Variants in MAD1L1 observed in about 807,000 individuals in gnomAD.
MAD1L1 encodes mitotic arrest deficient 1 like 1.
A neutral mutation model predicts 96.9 loss-of-function variants in MAD1L1; 95 were observed. The ratio of observed to expected loss-of-function variants is 0.98; its 90% CI spans 0.83 to 1.16. The LOEUF is 1.16. Ranked by LOEUF, MAD1L1 falls within the 50% of genes most tolerant of loss-of-function variation. MAD1L1 has a pLI of 0.00. For synonymous variants in MAD1L1, 473 were observed against 396.6 expected (o/e 1.19, Z -2.29); for missense variants, 1,007 against 954.4 (o/e 1.06, Z -0.73).
At chr7:2,025,356 C>T (rs1284328868) in intron 12 of MAD1L1, among the ~76,000 whole-genome samples, 1 of 152,116 alleles carries the variant, frequency 6.6e-6, no homozygotes, top group South Asian at 2.1e-4. Flanking sequence ...CCGAGCAGAA[C>T]CAATGGGAGT....
intron 18 of MAD1L1, among the ~76,000 whole-genome samples, chr7:1,850,294 G>A (rs193086185): frequency 1.6e-4 from 25 of 152,266 alleles, no homozygotes; most frequent in East Asian, 5.8e-4. Flanking sequence ...AGCTCCCATC[G>A]CTAGACATCC....
At chr7:1,912,325 G>A (rs750942781) in intron 17 of MAD1L1, among the ~76,000 whole-genome samples, 3 of 152,224 alleles carry the variant, frequency 2.0e-5, no homozygotes, top group Non-Finnish European at 4.4e-5. Flanking sequence ...CTATCCTTTT[G>A]GGGAACATGA....
chr7:1,858,296 G>A (rs1002064621), intron 18 of MAD1L1, among the ~76,000 whole-genome samples: 2 of 152,226 alleles, frequency 1.3e-5, no homozygotes, highest in Admixed American at 6.5e-5. Context: ...GGGCTGGCCA[G>A]TTGCACCCCA....
intron 18 of MAD1L1, among the ~76,000 whole-genome samples, chr7:1,864,770 T>A (rs1257669587): frequency 6.6e-6 from 1 of 152,108 alleles, no homozygotes; most frequent in African/African-American, 2.4e-5. Flanking sequence ...GGGTTCCCAC[T>A]GTTGGGAGAG....
chr7:1,950,063 C>G (rs976932572), intron 16 of MAD1L1, among the ~76,000 whole-genome samples: 1 of 148,768 alleles, frequency 6.7e-6, no homozygotes, highest in African/African-American at 2.5e-5. Flanking sequence ...CTTGAGGGGA[C>G]AGCAGAGACT....
chr7:1,851,749 G>A (rs12672508), intron 18 of MAD1L1, among the ~76,000 whole-genome samples: 14,445 of 152,186 alleles, frequency 0.095, 1,103 homozygotes, highest in African/African-American at 0.21. Flanking sequence ...GGCACTTACA[G>A]TGTCGCGAAA....
At chr7:2,045,848 G>A (rs911092357) in intron 12 of MAD1L1, among the ~76,000 whole-genome samples, 5 of 152,182 alleles carry the variant, frequency 3.3e-5, no homozygotes, top group Non-Finnish European at 7.3e-5. Flanking sequence ...CGGAGCACAT[G>A]GTGAGCCCCA....
rs1450404703 is a variant in MAD1L1 at position 1,899,397 on chromosome 7, C to T, written c.1808-1007G>A. Among the ~76,000 whole-genome samples, 4 of 152,094 alleles carry T rather than the reference C, an allele frequency of 2.6e-5. No individual in the cohort carries two copies. The East Asian group carries it at 7.7e-4, about 29-fold the overall frequency. ...GGCCTGGGACTGCTCCAGGCGGGGA[C>T]GGGAGCCTGCTGGACCCTATCCTGC... On this transcript the variant is annotated intron_variant, in intron 17 of 18. Coordinates refer to ENST00000265854, the MANE Select transcript of MAD1L1 (RefSeq NM_001013836.2).
At chr7:2,071,949 C>T (rs904506469) in intron 11 of MAD1L1, among the ~76,000 whole-genome samples, 4 of 152,350 alleles carry the variant, frequency 2.6e-5, no homozygotes, top group South Asian at 2.1e-4. Flanking sequence ...ACATCTCGCC[C>T]TGCGCATCCA....
chr7:1,852,156 A>G (rs534818395), intron 18 of MAD1L1, among the ~76,000 whole-genome samples: 1 of 152,172 alleles, frequency 6.6e-6, no homozygotes, highest in Non-Finnish European at 1.5e-5. Flanking sequence ...CCCAGGGAAG[A>G]AAGTGCTTCC....
intron 10 of MAD1L1, among the ~76,000 whole-genome samples, chr7:2,157,846 C>T (rs1789916721): frequency 1.3e-5 from 2 of 152,232 alleles, no homozygotes; most frequent in Admixed American, 6.5e-5. Flanking sequence ...GTTAAAGCTA[C>T]TCAGAGATGT....
chr7:1,898,957 C>G (rs1787070933), intron 17 of MAD1L1, among the ~76,000 whole-genome samples: 1 of 152,222 alleles, frequency 6.6e-6, no homozygotes, highest in Non-Finnish European at 1.5e-5. Context: ...CCCACAGGAG[C>G]CAGCACCGAC....
intron 11 of MAD1L1, among the ~76,000 whole-genome samples, chr7:2,100,829 A>C (rs1033178363): frequency 6.6e-6 from 1 of 152,238 alleles, no homozygotes; most frequent in African/African-American, 2.4e-5. Flanking sequence ...GCCCAAGGCC[A>C]AGCCCCAGCG....
At chr7:1,938,840 G>GCGCACA (rs371580945) in intron 16 of MAD1L1, among the ~76,000 whole-genome samples, 1 of 90,986 alleles carries the variant, frequency 1.1e-5, no homozygotes, top group African/African-American at 4.9e-5. Context: ...GGGGCCAGAG[G>GCGCACA]CACACACACA....
At chr7:2,133,634 G>C (rs749423087) in intron 11 of MAD1L1, among the ~76,000 whole-genome samples, 28 of 152,310 alleles carry the variant, frequency 1.8e-4, no homozygotes, top group Admixed American at 1.5e-3. Flanking sequence ...TTGAGAGTCA[G>C]CTAGATATTT....
chr7:1,980,412 G>T, intron 15 of MAD1L1, 41 bp downstream of exon 15: 2 of 1,562,318 alleles, frequency 1.3e-6, no homozygotes, highest in Non-Finnish European at 1.7e-6. Context: ...CTCTCTGGGG[G>T]ACACACCTGG....
chr7:2,062,129 C>G (rs1784685497), intron 12 of MAD1L1, among the ~76,000 whole-genome samples: 1 of 151,880 alleles, frequency 6.6e-6, no homozygotes, highest in Non-Finnish European at 1.5e-5. Flanking sequence ...GAAATCCCAG[C>G]TCCTCGGGAG....
intron 14 of MAD1L1, among the ~76,000 whole-genome samples, chr7:1,984,924 G>A (rs1001217019): frequency 1.3e-5 from 2 of 152,176 alleles, no homozygotes; most frequent in Non-Finnish European, 2.9e-5. Flanking sequence ...TTAGAAAAGT[G>A]TGCATGTTTT....
rs542600848 is a variant in MAD1L1 at position 2,036,331 on chromosome 7, G to C, written c.1219-21689C>G. Among the ~76,000 whole-genome samples the C allele has an allele frequency of 2.0e-4, 31 of 151,938 alleles. 1 individual carries two copies. The highest frequency in any genetic ancestry group is 6.8e-4 in the African/African-American group (28 of 41,412). ...GCACTGACAAGTCGGGACAGAGCTGGGGTCCAGGCTCCCAGGCATGAGCGC... is the reference window on the plus strand; with the variant it reads ...GCACTGACAAGTCGGGACAGAGCTGCGGTCCAGGCTCCCAGGCATGAGCGC... On this transcript the variant is annotated intron_variant, in intron 12 of 18. Transcript: ENST00000265854.
Sources: allele counts gnomAD v4.1 joint callset (sites outside exome capture counted in the v4.1 genomes callset), GRCh38; gene constraint gnomAD v4.1.1; transcripts MANE v1.5; gene names NCBI Gene and HGNC (gene_info 2026-07-23, HGNC 2026-07-21).